Variants in SNX29 observed in about 807,000 individuals in gnomAD.
SNX29 encodes sorting nexin 29, also known as sorting nexin-29.
In SNX29, 78 loss-of-function variants were observed where a neutral mutation model predicts 102.1. The ratio of observed to expected loss-of-function variants is 0.76; its 90% CI spans 0.64 to 0.92. The LOEUF is 0.92. SNX29 is among the 40% of genes least tolerant of loss of function. The pLI, the probability that SNX29 is intolerant of heterozygous loss-of-function variation, is 0.00. For synonymous variants in SNX29, 580 were observed against 414.5 expected (o/e 1.40, Z -4.85); for missense variants, 1,280 against 1,061.7 (o/e 1.21, Z -2.86).
intron 11 of SNX29, among the ~76,000 whole-genome samples, chr16:12,114,444 A>G (rs2053614867): frequency 6.6e-6 from 1 of 152,210 alleles, no homozygotes; most frequent in Non-Finnish European, 1.5e-5. Context: ...TGATTTGTGC[A>G]GAACCAACAT....
chr16:12,157,782 T>G (rs1325204681), intron 13 of SNX29, among the ~76,000 whole-genome samples: 2 of 152,176 alleles, frequency 1.3e-5, no homozygotes, highest in Non-Finnish European at 2.9e-5. Flanking sequence ...CCCTACACTA[T>G]GAAGTGGAGA....
chr16:12,225,138 A>T (rs13380428), intron 14 of SNX29, among the ~76,000 whole-genome samples: 5,557 of 152,260 alleles, frequency 0.036, 367 homozygotes, highest in African/African-American at 0.13. Flanking sequence ...GATATTAATA[A>T]CAGTATCAGT....
chr16:12,561,160 C>T (rs938456789), intron 20 of SNX29: 4 of 229,932 alleles, frequency 1.7e-5, no homozygotes, highest in African/African-American at 4.4e-5. Context: ...GGAATGAATT[C>T]AAAGGCTATT....
At chr16:12,236,627 C>T (rs1045156195) in intron 14 of SNX29, among the ~76,000 whole-genome samples, 7 of 152,192 alleles carry the variant, frequency 4.6e-5, no homozygotes, top group African/African-American at 1.2e-4. Flanking sequence ...CTGTCACTAC[C>T]GCCATCTGTC....
At chr16:12,467,003 A>G (rs934666764) in intron 18 of SNX29, among the ~76,000 whole-genome samples, 1 of 152,222 alleles carries the variant, frequency 6.6e-6, no homozygotes, top group South Asian at 2.1e-4. Context: ...GGGGAACAAG[A>G]GTGCCCACCT....
At chr16:12,236,000 C>A (rs563456700) in intron 14 of SNX29, among the ~76,000 whole-genome samples, 3 of 152,078 alleles carry the variant, frequency 2.0e-5, no homozygotes, top group Non-Finnish European at 4.4e-5. Context: ...GGGTAGGGGA[C>A]GGAATAAATG....
chr16:12,370,735 T>G (rs1178546118), intron 16 of SNX29, among the ~76,000 whole-genome samples: 1 of 152,222 alleles, frequency 6.6e-6, no homozygotes, highest in Non-Finnish European at 1.5e-5. Context: ...CAATGCTGTT[T>G]CGCTGTGTGT....
At position 12,356,229 on chromosome 16, in the gene SNX29, G is replaced by A. The variant is rs1312989934; in HGVS notation, c.1849G>A (p.Glu617Lys). ...CCTGCACAGGGCCCTGGTAGCCAAGGAAGCCCTCGTGTCCCAGATGAGGCA... is the reference window on the plus strand; with the variant it reads ...CCTGCACAGGGCCCTGGTAGCCAAGAAAGCCCTCGTGTCCCAGATGAGGCA... ...ERLHRALVAK[E>K]ALVSQMRQEL... Residue 617 changes from glutamate (E) to lysine (K), a missense_variant, in exon 16 of 21, where the codon GAA (glutamate) becomes AAA (lysine). By Grantham distance (56) the Glu-to-Lys change is moderately conservative. Coordinates refer to ENST00000566228, the MANE Select transcript of SNX29 (RefSeq NM_032167.5). 6.2e-7 allele frequency: 1 copy of A among 1,613,166 alleles called. No individual in the cohort carries two copies.
intron 13 of SNX29, among the ~76,000 whole-genome samples, chr16:12,159,172 C>G (rs1313910328): frequency 1.3e-5 from 2 of 152,272 alleles, no homozygotes; most frequent in African/African-American, 4.8e-5. Context: ...CCCAGCAAGG[C>G]TGGCACCCCT....
At chr16:11,979,434 G>C (rs867037038) in intron 1 of SNX29, among the ~76,000 whole-genome samples, 3 of 152,136 alleles carry the variant, frequency 2.0e-5, no homozygotes, top group African/African-American at 7.2e-5. Flanking sequence ...GGAAGGGGAA[G>C]TCCAACGATA....
chr16:12,111,256 A>G (rs1156470589), intron 11 of SNX29, among the ~76,000 whole-genome samples: 1 of 152,144 alleles, frequency 6.6e-6, no homozygotes, highest in African/African-American at 2.4e-5. Context: ...CCCCTGCACC[A>G]GTCAGCTCAC....
At chr16:12,110,312 C>T (rs1222285682) in intron 11 of SNX29, among the ~76,000 whole-genome samples, 1 of 152,126 alleles carries the variant, frequency 6.6e-6, no homozygotes, top group Non-Finnish European at 1.5e-5. Flanking sequence ...ATGTGTCTAA[C>T]GTCTCCTGCA....
At chr16:12,067,361 A>C (rs544291279) in intron 9 of SNX29, among the ~76,000 whole-genome samples, 1 of 152,232 alleles carries the variant, frequency 6.6e-6, no homozygotes, top group Admixed American at 6.5e-5. Context: ...GAGTAAGCCA[A>C]GCAAAGATGG....
chr16:12,255,664 C>G (rs2078551520), intron 14 of SNX29, among the ~76,000 whole-genome samples: 1 of 152,164 alleles, frequency 6.6e-6, no homozygotes, highest in Admixed American at 6.5e-5. Flanking sequence ...GTTCACTTAG[C>G]ATAATATCCT....
intron 20 of SNX29, among the ~76,000 whole-genome samples, chr16:12,544,476 T>C (rs1641879): frequency 0.12 from 18,592 of 152,160 alleles, 1,387 homozygotes; most frequent in Non-Finnish European, 0.16. Context: ...AGGCCGATTT[T>C]ATGATTGGGG....
intron 3 of SNX29, among the ~76,000 whole-genome samples, chr16:12,022,091 GTTT>G (rs34463878): frequency 2.3e-5 from 3 of 131,208 alleles, no homozygotes; most frequent in Admixed American, 7.6e-5. Context: ...CTGGGGGGAA[GTTT>G]TTTTTTTTTT....
At chr16:12,444,339 C>G (rs142578406) in intron 18 of SNX29, among the ~76,000 whole-genome samples, 1 of 152,090 alleles carries the variant, frequency 6.6e-6, no homozygotes, top group African/African-American at 2.4e-5. Context: ...TCAGTCAAAG[C>G]TATTTGCTGC....
intron 15 of SNX29, among the ~76,000 whole-genome samples, chr16:12,342,562 C>T (rs1471832420): frequency 1.3e-5 from 2 of 152,144 alleles, no homozygotes; most frequent in Non-Finnish European, 2.9e-5. Context: ...GGGATGTGCC[C>T]AGTTCTGTGT....
In SNX29 at chr16:12,572,717, A is replaced by G. The variant is rs891300250; in HGVS notation, c.*4088A>G. The G allele has an allele frequency of 1.0e-5, 11 of 1,063,828 alleles. No individual in the cohort carries two copies. Among genetic ancestry groups the G allele is most frequent in the Admixed American group, 5.4e-5 (1 of 18,668 alleles). The allele number at this position is 1,063,828 out of a possible 1,614,324, so 65.9% of individuals were successfully genotyped here. A position where few individuals can be genotyped will look rare whatever the true frequency, so the allele number is the denominator to read the frequency against. ...TCCAGCAGCATCTTCCAGCCTTGGCACAGAACTGATGGCAAAGGAAGGGCT... is the reference window on the plus strand; with the variant it reads ...TCCAGCAGCATCTTCCAGCCTTGGCGCAGAACTGATGGCAAAGGAAGGGCT... On this transcript the variant is annotated 3_prime_UTR_variant, in exon 21 of 21. Transcript: ENST00000566228.
Sources: gnomAD v4.1 joint callset for allele counts (sites outside exome capture counted in the v4.1 genomes callset) on GRCh38, gnomAD v4.1.1 for gene constraint, MANE v1.5 for transcripts, NCBI Gene and HGNC (gene_info 2026-07-23, HGNC 2026-07-21) for gene names.